Variants in LRRC27 observed in about 807,000 individuals in gnomAD.
LRRC27 encodes the protein leucine-rich repeat-containing protein 27.
LRRC27 carries 57 observed loss-of-function variants against 55.0 expected under a neutral mutation model. The ratio of observed to expected loss-of-function variants is 1.04; its 90% CI spans 0.84 to 1.29. The LOEUF (loss-of-function observed/expected upper bound fraction) is 1.29, where lower values mean the gene tolerates loss of function less well. Ranked by LOEUF, LRRC27 falls within the 50% of genes most tolerant of loss-of-function variation. The pLI, the probability that LRRC27 is intolerant of heterozygous loss-of-function variation, is 0.00. For missense variants in LRRC27, 721 were observed against 651.5 expected (o/e 1.11, Z -1.16); for synonymous variants, 278 against 251.9 (o/e 1.10, Z -0.98).
chr10:132,354,530 A>G (rs1324882733), intron 7 of LRRC27, among the ~76,000 whole-genome samples: 2 of 152,212 alleles, frequency 1.3e-5, no homozygotes, highest in Non-Finnish European at 2.9e-5. Flanking sequence ...ACACCCAGGC[A>G]GGCGTCAGGA....
chr10:132,349,962 G>C (rs1490467529), intron 6 of LRRC27, among the ~76,000 whole-genome samples: 2 of 152,182 alleles, frequency 1.3e-5, no homozygotes, highest in Admixed American at 1.3e-4. Flanking sequence ...GGGGTCACAG[G>C]TATTAAGAAG....
At chr10:132,349,083 G>A in intron 6 of LRRC27, 1 of 1,477,766 alleles carries the variant, frequency 6.8e-7, no homozygotes, top group African/African-American at 1.4e-5. Flanking sequence ...GTGCGTGTGT[G>A]TGCCTGCATG....
At chr10:132,342,927 G>C (rs548775995) in intron 4 of LRRC27, among the ~76,000 whole-genome samples, 5 of 152,118 alleles carry the variant, frequency 3.3e-5, no homozygotes, top group Non-Finnish European at 1.5e-5. Context: ...ACATGTATAC[G>C]CATGTATACA....
At position 132,348,261 on chromosome 10, in the gene LRRC27, TC is replaced by T. The variant is rs1263752304; in HGVS notation, c.832del (p.Leu278TrpfsTer6). On this transcript the variant is annotated frameshift_variant, in exon 6 of 11. Transcript: ENST00000368614. LOFTEE classifies it high-confidence loss of function. The surrounding 1 kb of genome is among the most constrained non-coding windows in gnomAD (Gnocchi z 4.2). ...EIVEHVKADV[L>X]GDQLLTRELP... ...TTGTTGAGCACGTGAAGGCAGACGT[TC>T]TGGGAGATCAGCTCTTGACGAGGGA... The T allele has an allele frequency of 1.2e-6, 2 of 1,614,026 alleles. No homozygotes were observed. The highest frequency in any genetic ancestry group is 4.5e-5 in the East Asian group (2 of 44,884).
Position 132,348,321 on chromosome 10 carries a change from T to C in LRRC27, c.891T>C (p.Ile297=). ...CAAATCTCAAGGCGGCCTTGAACAT[T>C]GAGAAAGAACTACCAAAGCCAAGAC... is the stretch of plus-strand genomic sequence containing the variant. ...LPPNLKAALN[I]EKELPKPRHV... Residue 297 remains isoleucine, a synonymous_variant, in exon 6 of 11, where the codon ATT becomes ATC. Coordinates refer to ENST00000368614, the MANE Select transcript of LRRC27 (RefSeq NM_030626.3). The surrounding 1 kb of genome is among the most constrained non-coding windows in gnomAD (Gnocchi z 4.2). The C allele has an allele frequency of 6.2e-7, 1 of 1,613,588 alleles. No homozygotes were observed. Among genetic ancestry groups the C allele is most frequent in the East Asian group, 2.2e-5 (1 of 44,876 alleles).
chr10:132,331,999 A>AC (rs550402636), upstream of LRRC27, among the ~76,000 whole-genome samples: 3,409 of 114,738 alleles, frequency 0.03, 55 homozygotes, highest in Middle Eastern at 0.093. Context: ...ACCACACCCG[A>AC]CCCCCTGCCG....
intron 8 of LRRC27, among the ~76,000 whole-genome samples, chr10:132,360,981 G>A (rs1398708606): frequency 6.6e-6 from 1 of 152,218 alleles, no homozygotes; most frequent in African/African-American, 2.4e-5. Context: ...CGCCGTTGGG[G>A]TGCTAGCCTC....
chr10:132,367,667 A>G (rs1211302048), intron 10 of LRRC27, among the ~76,000 whole-genome samples: 1 of 152,254 alleles, frequency 6.6e-6, no homozygotes, highest in Non-Finnish European at 1.5e-5. Context: ...AACACCTATC[A>G]TGATAAAAAC....
intron 10 of LRRC27, among the ~76,000 whole-genome samples, chr10:132,368,815 A>G (rs1453558190): frequency 6.6e-6 from 1 of 152,236 alleles, no homozygotes; most frequent in Non-Finnish European, 1.5e-5. Flanking sequence ...CTTCATTACA[A>G]TCAAAAACTT....
Position 132,377,344 on chromosome 10 carries a change from T to A in LRRC27, c.*2102T>A, listed in dbSNP as rs1161409838. On this transcript the variant is annotated 3_prime_UTR_variant, in exon 11 of 11. Transcript: ENST00000368614. ...GCTTTCTGATAGTGATCAATTTTTT[T>A]ATTTATATCTCTTGTATTAGAGTTT... 1 of 152,242 alleles carries A rather than the reference T, an allele frequency of 6.6e-6. No homozygotes were observed. The highest frequency in any genetic ancestry group is 1.9e-4 in the East Asian group (1 of 5,204). The allele number at this position is 152,242 out of a possible 1,614,324, so 9.4% of individuals were successfully genotyped here. A position where few individuals can be genotyped will look rare whatever the true frequency, so the allele number is the denominator to read the frequency against.
chr10:132,359,396 AG>A (rs2068505939), intron 8 of LRRC27, among the ~76,000 whole-genome samples: 1 of 152,200 alleles, frequency 6.6e-6, no homozygotes. Flanking sequence ...TGTCCATAAC[AG>A]GGAAGCGGTT....
chr10:132,356,008 G>A (rs375708872), intron 8 of LRRC27, 122 bp downstream of exon 8: 146 of 666,924 alleles, frequency 2.2e-4, no homozygotes, highest in Middle Eastern at 4.0e-4. Flanking sequence ...GTGCTCACAC[G>A]CATCCCTGTC....
chr10:132,376,905 C>T lies in LRRC27; in HGVS notation c.*1663C>T, dbSNP rs1243233215. On this transcript the variant is annotated 3_prime_UTR_variant, in exon 11 of 11. Transcript: ENST00000368614. ...AGCTATGATCATGAACATGTGTTTT[C>T]TTCTTAGTTATGTGAGTTTTTGCTA... 1 of 152,190 alleles carries T rather than the reference C, an allele frequency of 6.6e-6. No individual in the cohort carries two copies. The highest frequency in any genetic ancestry group is 1.5e-5 in the Non-Finnish European group (1 of 68,042). 9.4% of individuals were successfully genotyped at this position (152,190 alleles called of 1,614,324 possible). A position where few individuals can be genotyped will look rare whatever the true frequency, so the allele number is the denominator to read the frequency against.
Position 132,365,468 on chromosome 10 carries a change from TC to T in LRRC27, c.1336del (p.Leu446SerfsTer18). Reference sequence around the variant, plus strand: ...TTAGAAGAGAAGATAAAACAGCACGTCCTCCAAATGCGTGAGCAAAGAAGAT... The same window carrying T: ...TTAGAAGAGAAGATAAAACAGCACGTCTCCAAATGCGTGAGCAAAGAAGAT... ...RNLEEKIKQH[V>X]LQMREQRRFH... is the part of the protein sequence containing the mutation. On this transcript the variant is annotated frameshift_variant, in exon 10 of 11. Transcript: ENST00000368614. LOFTEE classifies it high-confidence loss of function. The T allele has an allele frequency of 6.2e-7, 1 of 1,613,684 alleles. No homozygotes were observed. The highest frequency in any genetic ancestry group is 2.2e-5 in the East Asian group (1 of 44,882).
rs566034226 is a variant in LRRC27, at chr10:132,345,173, C to T, written c.553+523C>T. Among the ~76,000 whole-genome samples, 20 of 152,198 alleles carry T rather than the reference C, an allele frequency of 1.3e-4. No homozygotes were observed. The East Asian group carries it at 2.1e-3, about 16-fold the overall frequency. ...TCATGATGTGTTCTGGTCTTGAGTA[C>T]GCATTGTAGTTACACTTGGAAAAGG... On this transcript the variant is annotated intron_variant, in intron 5 of 10. Transcript: ENST00000368614.
rs1564852963 is a variant in LRRC27, at chr10:132,364,381, A to AT, written c.1290-1043_1290-1042insT. ...CACACCCGCGCTTACACCCACCCAC[A>AT]CTTACACCCACCCTTACATCTACCT... is the stretch of plus-strand genomic sequence containing the variant. On this transcript the variant is annotated intron_variant, in intron 9 of 10. Transcript: ENST00000368614. Among the ~76,000 whole-genome samples, 121 of 102,284 alleles carry AT rather than the reference A, an allele frequency of 1.2e-3. 9 individuals are homozygous for AT. Among genetic ancestry groups the AT allele is most frequent in the East Asian group, 9.7e-3 (18 of 1,860 alleles). The allele number at this position is 102,284 out of a possible 152,430, so 67.1% of individuals were successfully genotyped here.
At chr10:132,351,852 T>TC in intron 7 of LRRC27, 99 bp downstream of exon 7, 1 of 1,350,294 alleles carries the variant, frequency 7.4e-7, no homozygotes, top group Non-Finnish European at 1.0e-6. Flanking sequence ...AAGTGTTTAG[T>TC]TAGTTCTCCC....
intron 3 of LRRC27, among the ~76,000 whole-genome samples, chr10:132,338,280 C>T (rs2067226218): frequency 6.6e-6 from 1 of 152,146 alleles, no homozygotes; most frequent in Non-Finnish European, 1.5e-5. Flanking sequence ...CACACCACTG[C>T]ACTCCAGTCT....
At chr10:132,345,253 C>T (rs961419664) in intron 5 of LRRC27, among the ~76,000 whole-genome samples, 4 of 152,192 alleles carry the variant, frequency 2.6e-5, no homozygotes, top group Non-Finnish European at 5.9e-5. Flanking sequence ...AAAAAAAGTA[C>T]ATATTCTGAA....
Sources: gnomAD v4.1 joint callset for allele counts (sites outside exome capture counted in the v4.1 genomes callset) on GRCh38, gnomAD v4.1.1 for gene constraint, Gnocchi (gnomAD v3.1) non-coding constraint, MANE v1.5 for transcripts, NCBI Gene and HGNC (gene_info 2026-07-23, HGNC 2026-07-21) for gene names.